Variants in ACOT1 observed in about 807,000 individuals in gnomAD.
The protein encoded by ACOT1 is acyl-CoA thioesterase 1.
In ACOT1, 8 loss-of-function variants were observed where a neutral mutation model predicts 15.7. That is an observed-to-expected ratio of 0.51 (90% CI 0.30 to 0.92). The LOEUF (loss-of-function observed/expected upper bound fraction) is 0.92, where lower values mean the gene tolerates loss of function less well. Ranked by LOEUF, ACOT1 falls within the 40% of genes least tolerant of loss-of-function variation. ACOT1 has a pLI of 0.06. For synonymous variants in ACOT1, 67 were observed against 241.2 expected (o/e 0.28, Z 6.69); for missense variants, 151 against 539.4 (o/e 0.28, Z 7.13).
chr14:73,522,453 G>A, the ACOT1 span: 1 of 1,614,222 alleles, frequency 6.2e-7, no homozygotes, highest in East Asian at 2.2e-5. Flanking sequence ...AGGAAGCTCT[G>A]CCACTTGTTG....
At chr14:73,497,152 T>C in the ACOT1 span, among the ~76,000 whole-genome samples, 2 of 152,328 alleles carry the variant, frequency 1.3e-5, no homozygotes, top group South Asian at 2.1e-4. Flanking sequence ...CGCCTTGGCC[T>C]CCCAAAGTGT....
chr14:73,513,937 G>T, the ACOT1 span: 1 of 1,276,484 alleles, frequency 7.8e-7, no homozygotes. Flanking sequence ...TTTCACAAAG[G>T]AGGGATGGAT....
chr14:73,504,156 C>T, the ACOT1 span, among the ~76,000 whole-genome samples: 4 of 150,488 alleles, frequency 2.7e-5, no homozygotes, highest in African/African-American at 9.8e-5. Flanking sequence ...CGGCTCACTG[C>T]AACCTCCGCC....
the ACOT1 span, among the ~76,000 whole-genome samples, chr14:73,511,767 T>C: frequency 7.9e-5 from 12 of 152,134 alleles, no homozygotes; most frequent in Non-Finnish European, 1.2e-4. Flanking sequence ...TTAACTTCTC[T>C]GCAGGCCACT....
the ACOT1 span, chr14:73,508,406 G>A: frequency 1.2e-6 from 1 of 833,250 alleles, no homozygotes; most frequent in Non-Finnish European, 2.0e-6. Flanking sequence ...TCACTTCCTT[G>A]TGCCCCACTC....
chr14:73,530,794 ATTTTTT>A, the ACOT1 span, among the ~76,000 whole-genome samples: 11 of 57,772 alleles, frequency 1.9e-4, no homozygotes, highest in African/African-American at 7.4e-4. Context: ...TCTCGGTTAA[ATTTTTT>A]TTTTTTTTTT....
the ACOT1 span, chr14:73,502,859 T>A: frequency 1.3e-6 from 2 of 1,519,658 alleles, no homozygotes; most frequent in Non-Finnish European, 1.8e-6. Flanking sequence ...TTCTAAGAAT[T>A]TAGAAGAGTG....
At chr14:73,491,786 C>T in the ACOT1 span, 7 of 1,582,800 alleles carry the variant, frequency 4.4e-6, no homozygotes, top group South Asian at 5.7e-5. Context: ...CGAGGAGGTG[C>T]AGTTCGGCCA....
At chr14:73,525,580 A>G in the ACOT1 span, among the ~76,000 whole-genome samples, 3 of 152,318 alleles carry the variant, frequency 2.0e-5, no homozygotes, top group South Asian at 4.1e-4. Context: ...TAGAAAGGCT[A>G]GAGCAAGACG....
Position 73,537,804 on chromosome 14 carries a change from A to G in ACOT1, c.383A>G (p.Tyr128Cys), listed in dbSNP as rs200381634. Residue 128 changes from tyrosine to cysteine, a missense_variant, in exon 1 of 3, where the codon TAC becomes TGC. Transcript: ENST00000311148. ...CTGTGCCGGGTGCGGCACGAGCGCT[A>G]CTTCCTCCCGCCCGGGGTGCGGCGC... Reference protein sequence around the residue: ...RLLCRVRHERYFLPPGVRREP... With the variant: ...RLLCRVRHERCFLPPGVRREP... The G allele has an allele frequency of 1.5e-3, 1,853 of 1,218,114 alleles. 552 individuals are homozygous for G. Among genetic ancestry groups the G allele is most frequent in the Non-Finnish European group, 1.9e-3 (1,735 of 927,100 alleles). 75.5% of individuals were successfully genotyped at this position (1,218,114 alleles called of 1,614,324 possible). A position where few individuals can be genotyped will look rare whatever the true frequency, so the allele number is the denominator to read the frequency against.
chr14:73,529,069 A>G, the ACOT1 span: 2 of 152,152 alleles, frequency 1.3e-5, no homozygotes, highest in Admixed American at 1.3e-4. Context: ...AATTAAGTCA[A>G]TCGGCCAGGC....
chr14:73,515,671 CAAAAAAAAAAA>C, the ACOT1 span, among the ~76,000 whole-genome samples: 21 of 33,518 alleles, frequency 6.3e-4, no homozygotes, highest in East Asian at 4.4e-3. Flanking sequence ...GACTCCATCT[CAAAAAAAAAAA>C]AAAAAAAAAA....
At chr14:73,514,079 C>G in the ACOT1 span, 2 of 1,614,216 alleles carry the variant, frequency 1.2e-6, no homozygotes, top group South Asian at 2.2e-5. Context: ...CGCAGGACCA[C>G]CAGTTCCCAG....
chr14:73,491,068 GCGCCGGCGCAAGCCCCAGCCACACA>G, the ACOT1 span: 1 of 1,594,408 alleles, frequency 6.3e-7, no homozygotes, highest in Non-Finnish European at 8.5e-7. Flanking sequence ...GGCGGCCGAA[GCGCCGGCGCAAGCCCCAGCCACACA>G]GCGGGTCGGT....
the ACOT1 span, among the ~76,000 whole-genome samples, chr14:73,515,328 G>C: frequency 6.6e-6 from 1 of 152,030 alleles, no homozygotes; most frequent in Admixed American, 6.6e-5. Context: ...GATTTGCTCT[G>C]AATCAATTCT....
chr14:73,509,344 G>T, the ACOT1 span: 88 of 1,613,980 alleles, frequency 5.5e-5, no homozygotes, highest in Admixed American at 5.3e-4. Context: ...GATGTTCCGG[G>T]CAAGGGGATT....
At chr14:73,513,027 G>T in the ACOT1 span, among the ~76,000 whole-genome samples, 28 of 152,334 alleles carry the variant, frequency 1.8e-4, no homozygotes, top group East Asian at 1.9e-3. Flanking sequence ...GTAGGTATAG[G>T]ATAGCCCCAA....
chr14:73,521,494 A>G, the ACOT1 span, among the ~76,000 whole-genome samples: 1 of 152,170 alleles, frequency 6.6e-6, no homozygotes, highest in East Asian at 1.9e-4. Context: ...TTGCTTTTAC[A>G]TTGTATTCCC....
At chr14:73,535,317 C>G (rs1243443285), upstream of ACOT1, among the ~76,000 whole-genome samples, 3 of 113,276 alleles carry the variant, frequency 2.6e-5, 1 homozygote, top group African/African-American at 8.5e-5. Flanking sequence ...AAAGGTCATA[C>G]CAGTTTATAT....
Sources: gnomAD v4.1 joint callset for allele counts (sites outside exome capture counted in the v4.1 genomes callset) on GRCh38, gnomAD v4.1.1 for gene constraint, MANE v1.5 for transcripts, NCBI Gene and HGNC (gene_info 2026-07-23, HGNC 2026-07-21) for gene names.